Variants in CDH12 observed in about 807,000 individuals in gnomAD.
CDH12 encodes cadherin-12.
A neutral mutation model predicts 74.1 loss-of-function variants in CDH12; 41 were observed. The observed-to-expected ratio is 0.55, with a 90% CI of 0.43 to 0.72. CDH12 has a LOEUF of 0.72. Among genes scored for constraint, CDH12 ranks in the 30% least tolerant of loss-of-function variants. The pLI, the probability that CDH12 is intolerant of heterozygous loss-of-function variation, is 0.00. For synonymous variants in CDH12, 399 were observed against 355.0 expected, an observed-to-expected ratio of 1.12 and a Z score of -1.39; for missense variants, 945 against 977.2, an observed-to-expected ratio of 0.97 and a Z score of 0.44.
At chr5:22,477,641 G>A (rs1284142405) in intron 2 of CDH12, among the ~76,000 whole-genome samples, 2 of 152,050 alleles carry the variant, frequency 1.3e-5, no homozygotes, top group Admixed American at 6.6e-5. Flanking sequence ...TCTATCTTTA[G>A]GTCTTTGAGG....
At chr5:22,486,642 T>C (rs1911959) in intron 2 of CDH12, among the ~76,000 whole-genome samples, 144,078 of 151,808 alleles carry the variant, frequency 0.95, 68,473 homozygotes, top group Admixed American at 0.98. Flanking sequence ...TTGGTAGAGA[T>C]GGGGTTTCTC....
chr5:21,961,113 ATTGT>A (rs1756340490), intron 6 of CDH12, among the ~76,000 whole-genome samples: 1 of 151,878 alleles, frequency 6.6e-6, no homozygotes, highest in Non-Finnish European at 1.5e-5. Flanking sequence ...TTGTTCATCT[ATTGT>A]TTATTTTGAG....
At chr5:22,107,495 C>T (rs965769790) in intron 4 of CDH12, among the ~76,000 whole-genome samples, 1 of 150,224 alleles carries the variant, frequency 6.7e-6, no homozygotes, top group African/African-American at 2.4e-5. Flanking sequence ...TATATATACA[C>T]ATATAATAAT....
chr5:22,292,348 T>G (rs1462769257), intron 3 of CDH12, among the ~76,000 whole-genome samples: 8 of 148,524 alleles, frequency 5.4e-5, no homozygotes, highest in Admixed American at 2.7e-4. Context: ...TTTGTTTTTT[T>G]TTTTTTTTTT....
At chr5:22,208,220 G>A (rs1751330389) in intron 4 of CDH12, among the ~76,000 whole-genome samples, 1 of 152,080 alleles carries the variant, frequency 6.6e-6, no homozygotes, top group South Asian at 2.1e-4. Flanking sequence ...ATTTTCATTT[G>A]TAAGGGAAAT....
rs535105804 is a variant in CDH12 at position 22,045,464 on chromosome 5, T to C, written c.231+32982A>G. 2.2e-4 allele frequency among the ~76,000 whole-genome samples: 34 copies of C among 152,288 alleles called. No individual in the cohort carries two copies. In the East Asian group the frequency reaches 6.4e-3, roughly 29 times the overall value. ...ATATCCAAAGAAAAGGAAATCAGTA[T>C]GTTGAAGAAATATTTGCACTCCAAT... On this transcript the variant is annotated intron_variant, in intron 5 of 14. Transcript: ENST00000382254.
intron 1 of CDH12, among the ~76,000 whole-genome samples, chr5:22,836,380 T>G (rs886574557): frequency 2.6e-5 from 4 of 151,492 alleles, no homozygotes; most frequent in African/African-American, 7.3e-5. Flanking sequence ...TGCACCACCA[T>G]TCTCGGCTAA....
At chr5:22,650,317 T>C (rs1739669162) in intron 1 of CDH12, among the ~76,000 whole-genome samples, 1 of 152,086 alleles carries the variant, frequency 6.6e-6, no homozygotes, top group Admixed American at 6.6e-5. Context: ...CTTGCTCTTC[T>C]TAGTTTTATT....
intron 1 of CDH12, among the ~76,000 whole-genome samples, chr5:22,728,335 A>G (rs1359861318): frequency 6.6e-6 from 1 of 151,830 alleles, no homozygotes; most frequent in East Asian, 1.9e-4. Context: ...TAGATGAGGT[A>G]GTTATTTTAA....
chr5:22,469,165 C>T (rs1745857241), intron 2 of CDH12, among the ~76,000 whole-genome samples: 1 of 152,136 alleles, frequency 6.6e-6, no homozygotes, highest in Non-Finnish European at 1.5e-5. Flanking sequence ...CCACAGAGCA[C>T]CTCAAAGTAT....
chr5:22,318,939 T>G (rs1362255557), intron 3 of CDH12, among the ~76,000 whole-genome samples: 3 of 152,128 alleles, frequency 2.0e-5, no homozygotes, highest in African/African-American at 7.2e-5. Flanking sequence ...GTCTCTGTTT[T>G]GGGACAAAAA....
At chr5:22,332,089 G>A (rs918702599) in intron 3 of CDH12, among the ~76,000 whole-genome samples, 3 of 152,140 alleles carry the variant, frequency 2.0e-5, no homozygotes, top group Non-Finnish European at 2.9e-5. Flanking sequence ...GGGTTAGAAA[G>A]TTTATTCAAA....
intron 11 of CDH12, among the ~76,000 whole-genome samples, chr5:21,774,821 G>A (rs1270282953): frequency 6.6e-6 from 1 of 152,160 alleles, no homozygotes; most frequent in East Asian, 1.9e-4. Context: ...GAAACCAATG[G>A]TTATGTTTAG....
At chr5:22,246,804 T>G in intron 3 of CDH12, among the ~76,000 whole-genome samples, 1 of 152,304 alleles carries the variant, frequency 6.6e-6, no homozygotes, top group East Asian at 1.9e-4. Flanking sequence ...TGTAGTTACT[T>G]TTATCTAGTT....
intron 5 of CDH12, among the ~76,000 whole-genome samples, chr5:21,977,114 A>C (rs1757103272): frequency 6.6e-6 from 1 of 152,042 alleles, no homozygotes; most frequent in African/African-American, 2.4e-5. Flanking sequence ...TATAAGCAAA[A>C]CCATAAAAAC....
At chr5:21,955,807 A>G (rs1259835459) in intron 6 of CDH12, among the ~76,000 whole-genome samples, 1 of 152,106 alleles carries the variant, frequency 6.6e-6, no homozygotes, top group Non-Finnish European at 1.5e-5. Flanking sequence ...TGACTCAGGT[A>G]ATCTCAAGAA....
chr5:21,909,162 G>T (rs1322394399), intron 6 of CDH12, among the ~76,000 whole-genome samples: 1 of 152,168 alleles, frequency 6.6e-6, no homozygotes. Context: ...TTTATGCCAT[G>T]ATTCCAATGT....
intron 4 of CDH12, among the ~76,000 whole-genome samples, chr5:22,088,452 C>T (rs551708911): frequency 3.3e-5 from 5 of 152,176 alleles, no homozygotes; most frequent in South Asian, 2.1e-4. Context: ...ATTCCACATT[C>T]GTAGGGGTAA....
chr5:22,656,943 C>A (rs1740071335), intron 1 of CDH12, among the ~76,000 whole-genome samples: 1 of 152,000 alleles, frequency 6.6e-6, no homozygotes, highest in Non-Finnish European at 1.5e-5. Context: ...TTCATGTGAT[C>A]CTCCTGCCTC....
Sources: gnomAD v4.1 joint callset for allele counts (sites outside exome capture counted in the v4.1 genomes callset) on GRCh38, gnomAD v4.1.1 for gene constraint, MANE v1.5 for transcripts, NCBI Gene and HGNC (gene_info 2026-07-23, HGNC 2026-07-21) for gene names.